The following RIPK1 variants were observed in gnomAD, a reference collection of about 807,000 sequenced individuals.
The protein encoded by RIPK1 is receptor interacting serine/threonine kinase 1.
In RIPK1, 27 loss-of-function variants were observed where a neutral mutation model predicts 62.4. The ratio of observed to expected loss-of-function variants is 0.43; its 90% CI spans 0.32 to 0.60. The LOEUF (loss-of-function observed/expected upper bound fraction) is 0.60, where lower values mean the gene tolerates loss of function less well. Among genes scored for constraint, RIPK1 ranks in the 20% least tolerant of loss-of-function variants. The probability of loss-of-function intolerance (pLI) is 0.07; values close to 1 mark genes in which losing one functional copy is unlikely to be tolerated. For synonymous variants in RIPK1, 287 were observed against 303.2 expected, an observed-to-expected ratio of 0.95 and a Z score of 0.55; for missense variants, 735 against 831.0, an observed-to-expected ratio of 0.88 and a Z score of 1.42.
intron 4 of RIPK1, among the ~76,000 whole-genome samples, chr6:3,082,653 A>T (rs1294006798): frequency 6.6e-6 from 1 of 152,222 alleles, no homozygotes; most frequent in Non-Finnish European, 1.5e-5. Context: ...CATTTGGGGA[A>T]ATAGAAGGTG....
At chr6:3,088,425 AG>A (rs1049929478) in intron 6 of RIPK1, among the ~76,000 whole-genome samples, 5 of 152,210 alleles carry the variant, frequency 3.3e-5, no homozygotes, top group Non-Finnish European at 5.9e-5. Flanking sequence ...CCAGTGGGGA[AG>A]GGAAGGGTGG....
At chr6:3,095,846 C>CTTTT (rs34808064) in intron 7 of RIPK1, among the ~76,000 whole-genome samples, 1 of 137,166 alleles carries the variant, frequency 7.3e-6, no homozygotes, top group African/African-American at 2.7e-5. Context: ...TGTTAACAGC[C>CTTTT]TTTTTTTTTT....
chr6:3,089,602 CT>C lies in RIPK1; in HGVS notation c.865del (p.Tyr289IlefsTer2). The C allele has an allele frequency of 6.4e-7, 1 of 1,566,308 alleles. No individual in the cohort carries two copies. The highest frequency in any genetic ancestry group is 8.8e-7 in the Non-Finnish European group (1 of 1,140,948). On this transcript the variant is annotated frameshift_variant, in exon 7 of 11. Coordinates refer to ENST00000259808, the MANE Select transcript of RIPK1 (RefSeq NM_001354930.2). LOFTEE classifies it high-confidence loss of function. ...ACAGGCATTGAAGAAAAATTTAGGCCTTTTTATTTAAGTCAATTAGAAGAAA... is the reference window on the plus strand; with the variant it reads ...ACAGGCATTGAAGAAAAATTTAGGCCTTTTATTTAAGTCAATTAGAAGAAA... ...TFPGIEEKFR[P>X]FYLSQLEESV...
In RIPK1 at chr6:3,105,788, C is replaced by T. The variant is rs3173519; in HGVS notation, c.1313C>T (p.Ala438Val). Residue 438 changes from alanine to valine, a missense_variant, in exon 9 of 11, where the codon GCT becomes GTT. By Grantham distance (64) the Ala-to-Val change is moderately conservative. Coordinates refer to ENST00000259808, the MANE Select transcript of RIPK1 (RefSeq NM_001354930.2). This position sits in a 1 kb window ranked among gnomAD's most constrained non-coding sequence, Gnocchi z 4.5. ...CAGAATACAGAGGGAAAAGGCACTGCTTATTCCAGTGCAGCCAGTCATGGT... is the reference window on the plus strand; with the variant it reads ...CAGAATACAGAGGGAAAAGGCACTGTTTATTCCAGTGCAGCCAGTCATGGT... Reference protein sequence around the residue: ...NFQNTEGKGTAYSSAASHGNA... With the variant: ...NFQNTEGKGTVYSSAASHGNA... 1 of 1,614,182 alleles carries T rather than the reference C, an allele frequency of 6.2e-7. No individual in the cohort carries two copies. The highest frequency in any genetic ancestry group is 1.1e-5 in the South Asian group (1 of 91,080).
At chr6:3,089,829 C>T (rs953460580) in intron 7 of RIPK1, among the ~76,000 whole-genome samples, 172 bp downstream of exon 7, 1 of 152,108 alleles carries the variant, frequency 6.6e-6, no homozygotes, top group African/African-American at 2.4e-5. Context: ...CATACTGGAC[C>T]CATTTCTCCT....
rs12203640 is a variant in RIPK1, at chr6:3,094,112, A to C, written c.915+4455A>C. Among the ~76,000 whole-genome samples the C allele has an allele frequency of 5.4e-5, 6 of 111,852 alleles. No individual in the cohort carries two copies. The South Asian group carries it at 8.4e-4, about 16-fold the overall frequency. 73.4% of individuals were successfully genotyped at this position (111,852 alleles called of 152,430 possible). ...CTCCTGCACCTAGTAACTGCAGAGT[A>C]CCTACCTGCCGCACCTAGTAACTGC... On this transcript the variant is annotated intron_variant, in intron 7 of 10. Coordinates refer to ENST00000259808, the MANE Select transcript of RIPK1 (RefSeq NM_001354930.2).
chr6:3,094,514 A>G (rs1012754127), intron 7 of RIPK1, among the ~76,000 whole-genome samples: 1 of 151,752 alleles, frequency 6.6e-6, no homozygotes, highest in African/African-American at 2.4e-5. Flanking sequence ...AAAACACTAC[A>G]TATTAAAATT....
chr6:3,112,159 G>C (rs573154321), intron 10 of RIPK1, among the ~76,000 whole-genome samples: 2 of 151,252 alleles, frequency 1.3e-5, no homozygotes, highest in East Asian at 3.9e-4. Context: ...AGTAAAGGAG[G>C]GGTTAGGGTC....
chr6:3,096,605 G>A (rs925419896), intron 7 of RIPK1, among the ~76,000 whole-genome samples: 2 of 139,030 alleles, frequency 1.4e-5, no homozygotes, highest in African/African-American at 5.5e-5. Flanking sequence ...TGTCTCCCAG[G>A]CTGGAGTGCA....
chr6:3,065,030 C>T (rs1267479398), upstream of RIPK1, among the ~76,000 whole-genome samples: 1 of 151,820 alleles, frequency 6.6e-6, no homozygotes, highest in East Asian at 1.9e-4. Flanking sequence ...ATCACGAGGT[C>T]AGGAGATGGA....
At chr6:3,110,393 G>C (rs556641292) in intron 9 of RIPK1, among the ~76,000 whole-genome samples, 7 of 152,006 alleles carry the variant, frequency 4.6e-5, no homozygotes, top group Non-Finnish European at 1.0e-4. Flanking sequence ...ATTTTTAGTA[G>C]AGAAGGGGTT....
intron 7 of RIPK1, among the ~76,000 whole-genome samples, chr6:3,096,785 T>A (rs1760337896): frequency 6.6e-6 from 1 of 151,594 alleles, no homozygotes; most frequent in Non-Finnish European, 1.5e-5. Context: ...GGTCTCGATC[T>A]CCCGACCTCG....
intron 9 of RIPK1, among the ~76,000 whole-genome samples, 195 bp from the exon 10 acceptor site, chr6:3,110,607 CT>C (rs34063767): frequency 3.9e-3 from 563 of 142,762 alleles, no homozygotes; most frequent in Middle Eastern, 7.2e-3. Flanking sequence ...TGTGTTATTT[CT>C]TTTTTTTTTT....
intron 7 of RIPK1, among the ~76,000 whole-genome samples, chr6:3,090,253 C>T (rs1759965128): frequency 6.6e-6 from 1 of 152,078 alleles, no homozygotes. Flanking sequence ...TGACAAGGCC[C>T]AGTTAGGAAC....
At chr6:3,078,307 A>G (rs1427267244) in intron 3 of RIPK1, among the ~76,000 whole-genome samples, 2 of 152,200 alleles carry the variant, frequency 1.3e-5, no homozygotes, top group Non-Finnish European at 2.9e-5. Context: ...CAGCCTGGAT[A>G]ACACAGTGAA....
intron 7 of RIPK1, among the ~76,000 whole-genome samples, chr6:3,096,555 T>G (rs1396580576): frequency 8.8e-6 from 1 of 113,276 alleles, no homozygotes; most frequent in Non-Finnish European, 1.7e-5. Flanking sequence ...CTCAAGTTTT[T>G]TTTTTTTTTT....
At chr6:3,089,215 C>T (rs1348583066) in intron 6 of RIPK1, among the ~76,000 whole-genome samples, 1 of 152,184 alleles carries the variant, frequency 6.6e-6, no homozygotes, top group Admixed American at 6.5e-5. Flanking sequence ...CTCTGACTAT[C>T]CCAATCTCTC....
chr6:3,080,444 ACAT>A (rs1368841116), intron 3 of RIPK1, among the ~76,000 whole-genome samples: 1 of 152,236 alleles, frequency 6.6e-6, no homozygotes, highest in African/African-American at 2.4e-5. Flanking sequence ...CGTAGTTTTA[ACAT>A]CATGTTTATC....
At chr6:3,101,781 G>T (rs1398079706) in intron 7 of RIPK1, among the ~76,000 whole-genome samples, 1 of 152,046 alleles carries the variant, frequency 6.6e-6, no homozygotes, top group Non-Finnish European at 1.5e-5. Context: ...TTTTTACTGT[G>T]GCAAAATATA....
Sources: allele counts gnomAD v4.1 joint callset (sites outside exome capture counted in the v4.1 genomes callset), GRCh38; gene constraint gnomAD v4.1.1; non-coding constraint Gnocchi (gnomAD v3.1); transcripts MANE v1.5; gene names NCBI Gene and HGNC (gene_info 2026-07-23, HGNC 2026-07-21).